Variants in CLCA4 observed in about 807,000 individuals in gnomAD.
The protein encoded by CLCA4 is chloride channel accessory 4.
In CLCA4, 69 loss-of-function variants were observed where a neutral mutation model predicts 78.9. The ratio of observed to expected loss-of-function variants is 0.87; its 90% CI spans 0.72 to 1.07. The LOEUF (loss-of-function observed/expected upper bound fraction) is 1.07, where lower values mean the gene tolerates loss of function less well. CLCA4 is among the 50% of genes least tolerant of loss of function. The pLI, the probability that CLCA4 is intolerant of heterozygous loss-of-function variation, is 0.00. For synonymous variants in CLCA4, 362 were observed against 375.8 expected (o/e 0.96, Z 0.42); for missense variants, 1,133 against 1,095.8 (o/e 1.03, Z -0.48).
rs944224081 is a variant in CLCA4, at chr1:86,560,220, A to T, written c.310A>T (p.Ile104Leu). Residue 104 changes from isoleucine (I) to leucine (L), a missense_variant, in exon 3 of 14, where the codon ATA becomes TTA. Physicochemically the swap from Ile to Leu is conservative, Grantham distance 5 (BLOSUM62 2). Coordinates refer to ENST00000370563, the MANE Select transcript of CLCA4 (RefSeq NM_012128.4). Reference sequence around the variant, plus strand: ...TTTTCAACATTCTCAGGCTGATGTTATAGTTGCACCACCTACACTCCCAGG... The same window carrying T: ...TTTTCAACATTCTCAGGCTGATGTTTTAGTTGCACCACCTACACTCCCAGG... ...KHENHKHADVIVAPPTLPGRD... is the reference protein window; with the variant it reads ...KHENHKHADVLVAPPTLPGRD... The T allele has an allele frequency of 6.2e-7, 1 of 1,607,370 alleles. No homozygotes were observed. The highest frequency in any genetic ancestry group is 8.5e-7 in the Non-Finnish European group (1 of 1,178,182).
At chr1:86,555,901 T>A (rs966459873) in intron 1 of CLCA4, among the ~76,000 whole-genome samples, 3 of 152,222 alleles carry the variant, frequency 2.0e-5, no homozygotes, top group African/African-American at 7.2e-5. Context: ...GTAATTCTCA[T>A]TGTAGGAATG....
In CLCA4 at chr1:86,565,823, A is replaced by G. The variant is rs1288500034; in HGVS notation, c.757A>G (p.Lys253Glu). The part of the protein sequence containing the change: ...IDSVVEFCNE[K>E]THNQEAPSLQ... ...TTAGGTTGTTGAATTTTGTAACGAA[A>G]AAACCCATAATCAAGAAGCTCCAAG... is the stretch of plus-strand genomic sequence containing the variant. The change falls in exon 6 of 14, where the codon AAA becomes GAA. Residue 253 changes from lysine to glutamate, a missense_variant. Lys to Glu is a moderately conservative substitution (Grantham distance 56, BLOSUM62 1). Transcript: ENST00000370563. The G allele has an allele frequency of 2.0e-6, 3 of 1,535,964 alleles. No individual in the cohort carries two copies. Among genetic ancestry groups the G allele is most frequent in the Non-Finnish European group, 2.6e-6 (3 of 1,142,232 alleles).
At chr1:86,551,082 C>G (rs1422323632) in intron 1 of CLCA4, among the ~76,000 whole-genome samples, 1 of 152,036 alleles carries the variant, frequency 6.6e-6, no homozygotes, top group African/African-American at 2.4e-5. Context: ...CCGCCCGCCT[C>G]GGCCTCCCAA....
At chr1:86,560,625 CA>C (rs1372368243) in intron 3 of CLCA4, among the ~76,000 whole-genome samples, 6 of 152,148 alleles carry the variant, frequency 3.9e-5, no homozygotes, top group Admixed American at 2.0e-4. Flanking sequence ...ACAGTGTCTA[CA>C]AAAATATAAA....
chr1:86,579,887 G>A, intron 13 of CLCA4, 55 bp from the exon 14 acceptor site: 1 of 1,135,716 alleles, frequency 8.8e-7, no homozygotes, highest in South Asian at 1.6e-5. Context: ...TAAATAAAAA[G>A]GAATGAATAT....
At chr1:86,553,172 G>A (rs577729089) in intron 1 of CLCA4, 8 of 1,113,808 alleles carry the variant, frequency 7.2e-6, no homozygotes, top group Admixed American at 3.4e-5. Flanking sequence ...GGATTGAGCG[G>A]CACAGGTTGG....
intron 7 of CLCA4, among the ~76,000 whole-genome samples, chr1:86,570,760 A>AT (rs1277342351): frequency 2.0e-5 from 3 of 151,540 alleles, no homozygotes; most frequent in African/African-American, 7.3e-5. Flanking sequence ...ACATACTGTG[A>AT]TTATACCTTT....
At position 86,579,454 on chromosome 1, in the gene CLCA4, A is replaced by G. The variant is rs1406689110; in HGVS notation, c.2223A>G (p.Val741=). ...SRTASGGAFV[V]SQVPSLPLPD... ...CAGCATCCGGAGGTGCATTTGTGGTATCACAAGTCCCAAGCCTTCCCTTGC... is the reference window on the plus strand; with the variant it reads ...CAGCATCCGGAGGTGCATTTGTGGTGTCACAAGTCCCAAGCCTTCCCTTGC... The change falls in exon 13 of 14, where the codon GTA becomes GTG. Residue 741 remains valine (V), a synonymous_variant. Coordinates refer to ENST00000370563, the MANE Select transcript of CLCA4 (RefSeq NM_012128.4). The G allele has an allele frequency of 6.2e-7, 1 of 1,613,378 alleles. No homozygotes were observed. Among genetic ancestry groups the G allele is most frequent in the Admixed American group, 1.7e-5 (1 of 59,928 alleles).
At chr1:86,574,062 T>C (rs1650434627) in intron 9 of CLCA4, among the ~76,000 whole-genome samples, 1 of 152,108 alleles carries the variant, frequency 6.6e-6, no homozygotes, top group East Asian at 1.9e-4. Flanking sequence ...TTGGCTCTTC[T>C]GGACTAACAG....
Position 86,579,434 on chromosome 1 carries a change from T to C in CLCA4, c.2203T>C (p.Ser735Pro). 6.2e-7 allele frequency: 1 copy of C among 1,613,302 alleles called. No homozygotes were observed. Among genetic ancestry groups the C allele is most frequent in the South Asian group, 1.1e-5 (1 of 91,072 alleles). ...CTTGGAGGATTTCAGCCGAACAGCATCCGGAGGTGCATTTGTGGTATCACA... is the reference window on the plus strand; with the variant it reads ...CTTGGAGGATTTCAGCCGAACAGCACCCGGAGGTGCATTTGTGGTATCACA... ...TTLEDFSRTA[S>P]GGAFVVSQVP... Residue 735 changes from serine (S) to proline (P), a missense_variant, in exon 13 of 14, where the codon TCC (serine) becomes CCC (proline). Transcript: ENST00000370563.
At chr1:86,576,990 A>G (rs1447824437) in intron 11 of CLCA4, among the ~76,000 whole-genome samples, 1 of 152,116 alleles carries the variant, frequency 6.6e-6, no homozygotes, top group Non-Finnish European at 1.5e-5. Flanking sequence ...ATATTTTGCA[A>G]TGTAACTTAT....
In CLCA4 at chr1:86,579,951, A is replaced by G; in HGVS notation, c.2366A>G (p.Tyr789Cys). 6.3e-7 allele frequency: 1 copy of G among 1,580,166 alleles called. No homozygotes were observed. The highest frequency in any genetic ancestry group is 8.6e-7 in the Non-Finnish European group (1 of 1,161,876). The change falls in exon 14 of 14, where the codon TAT (tyrosine) becomes TGT (cysteine). Residue 789 changes from tyrosine (Y) to cysteine (C), a missense_variant. Coordinates refer to ENST00000370563, the MANE Select transcript of CLCA4 (RefSeq NM_012128.4). ...DNFDVGKVQR[Y>C]IIRISASILD... ...AACTTTTTTTTCTCAGTTCAACGTT[A>G]TATCATAAGAATAAGTGCAAGTATT...
chr1:86,565,964 C>A lies in CLCA4; in HGVS notation c.898C>A (p.Leu300Met). The change falls in exon 6 of 14, where the codon CTG (leucine) becomes ATG (methionine). Residue 300 changes from leucine (L) to methionine (M), a missense_variant. By Grantham distance (15) the Leu-to-Met change is conservative. Coordinates refer to ENST00000370563, the MANE Select transcript of CLCA4 (RefSeq NM_012128.4). ...ACCTCCTCCACCTGTCTTCTCATTG[C>A]TGAAGATCAGTCAAAGAATTGTGTG... ...TPPPPPVFSL[L>M]KISQRIVCLV... The A allele has an allele frequency of 6.2e-7, 1 of 1,613,284 alleles. No individual in the cohort carries two copies. The highest frequency in any genetic ancestry group is 1.1e-5 in the South Asian group (1 of 91,046).
intron 1 of CLCA4, among the ~76,000 whole-genome samples, chr1:86,557,501 A>G (rs1046719244): frequency 1.3e-5 from 2 of 152,132 alleles, no homozygotes; most frequent in African/African-American, 4.8e-5. Context: ...ATGTTGTTTA[A>G]TTTCCATGTA....
chr1:86,550,150 T>C (rs954510068), intron 1 of CLCA4, among the ~76,000 whole-genome samples: 1 of 152,210 alleles, frequency 6.6e-6, no homozygotes, highest in Non-Finnish European at 1.5e-5. Context: ...GTGATAGGCA[T>C]GAACTAAGTT....
chr1:86,563,140 A>T (rs573902690), intron 3 of CLCA4, among the ~76,000 whole-genome samples: 335 of 151,874 alleles, frequency 2.2e-3, no homozygotes, highest in Middle Eastern at 0.014. Flanking sequence ...TATTAAAAAA[A>T]TTTTTTATTT....
At position 86,579,601 on chromosome 1, in the gene CLCA4, G is replaced by A; in HGVS notation, c.2356+14G>A. Reference sequence around the variant, plus strand: ...ATGTTGGAAAAGGTAAGGATGAAGTGTCATGTGATTTTGACTTAAGTAAAA... The same window carrying A: ...ATGTTGGAAAAGGTAAGGATGAAGTATCATGTGATTTTGACTTAAGTAAAA... On this transcript the variant is annotated intron_variant, in intron 13 of 13. Transcript: ENST00000370563. 7.3e-7 allele frequency: 1 copy of A among 1,371,342 alleles called. No homozygotes were observed. The highest frequency in any genetic ancestry group is 9.8e-7 in the Non-Finnish European group (1 of 1,020,576). 84.9% of individuals were successfully genotyped at this position (1,371,342 alleles called of 1,614,324 possible).
At chr1:86,568,591 A>C (rs2101809115) in intron 7 of CLCA4, among the ~76,000 whole-genome samples, 1 of 151,856 alleles carries the variant, frequency 6.6e-6, no homozygotes, top group South Asian at 2.1e-4. Flanking sequence ...CCGCTCAGTA[A>C]AATTGTCCTC....
chr1:86,569,060 C>G (rs1207603076), intron 7 of CLCA4, among the ~76,000 whole-genome samples: 1 of 151,990 alleles, frequency 6.6e-6, no homozygotes, highest in Non-Finnish European at 1.5e-5. Flanking sequence ...ATGCTTTAAT[C>G]TATTCACCAA....
Sources: allele counts gnomAD v4.1 joint callset (sites outside exome capture counted in the v4.1 genomes callset), GRCh38; gene constraint gnomAD v4.1.1; transcripts MANE v1.5; gene names NCBI Gene and HGNC (gene_info 2026-07-23, HGNC 2026-07-21).